Variants in KIAA0825 observed in about 807,000 individuals in gnomAD.
KIAA0825 encodes the protein KIAA0825.
Under a neutral mutation model 147.6 loss-of-function variants are expected in KIAA0825, and 119 were observed. The observed-to-expected ratio is 0.81, with a 90% confidence interval of 0.69 to 0.94. The LOEUF (loss-of-function observed/expected upper bound fraction) is 0.94. KIAA0825 is among the 40% of genes least tolerant of loss of function. The pLI, the probability that KIAA0825 is intolerant of heterozygous loss-of-function variation, is 0.00. For missense variants in KIAA0825, 1,381 were observed against 1,472.7 expected, an observed-to-expected ratio of 0.94 and a Z score of 1.02; for synonymous variants, 470 against 518.1, an observed-to-expected ratio of 0.91 and a Z score of 1.26.
chr5:94,399,606 G>A (rs144869688), intron 16 of KIAA0825, among the ~76,000 whole-genome samples: 188 of 152,166 alleles, frequency 1.2e-3, no homozygotes, highest in African/African-American at 4.4e-3. Context: ...TTTTAAGACT[G>A]CTACACACTC....
At chr5:94,516,738 G>A (rs545483145) in intron 5 of KIAA0825, among the ~76,000 whole-genome samples, 3 of 148,218 alleles carry the variant, frequency 2.0e-5, no homozygotes, top group South Asian at 2.1e-4. Flanking sequence ...TGCAGTGAGC[G>A]GAGATCGCGC....
At chr5:94,166,040 C>T (rs1294729135) in intron 20 of KIAA0825, among the ~76,000 whole-genome samples, 1 of 152,108 alleles carries the variant, frequency 6.6e-6, no homozygotes, top group Non-Finnish European at 1.5e-5. Flanking sequence ...AGGATAAATG[C>T]TTGAGGGAAT....
chr5:94,387,487 A>C (rs1170293612), intron 18 of KIAA0825, among the ~76,000 whole-genome samples: 1 of 152,128 alleles, frequency 6.6e-6, no homozygotes, highest in Non-Finnish European at 1.5e-5. Context: ...TAAGGTTGGG[A>C]GTTCCAGACC....
At chr5:94,281,936 C>T (rs17083520) in intron 20 of KIAA0825, among the ~76,000 whole-genome samples, 3,288 of 152,188 alleles carry the variant, frequency 0.022, 106 homozygotes, top group African/African-American at 0.075. Flanking sequence ...CCAAGTCTGA[C>T]TTAATCAAGT....
intron 5 of KIAA0825, among the ~76,000 whole-genome samples, chr5:94,509,710 T>C (rs1416897815): frequency 6.6e-6 from 1 of 152,200 alleles, no homozygotes; most frequent in Non-Finnish European, 1.5e-5. Context: ...AAGCAAAGAT[T>C]TGTCACATTT....
At chr5:94,441,768 A>C (rs567581535) in intron 13 of KIAA0825, among the ~76,000 whole-genome samples, 1 of 152,326 alleles carries the variant, frequency 6.6e-6, no homozygotes, top group South Asian at 2.1e-4. Context: ...CACCCAATCT[A>C]TGGTATATTT....
chr5:94,179,273 G>A (rs1380183107), intron 20 of KIAA0825, among the ~76,000 whole-genome samples: 1 of 152,002 alleles, frequency 6.6e-6, no homozygotes, highest in Non-Finnish European at 1.5e-5. Context: ...CTTTTTTGTA[G>A]GAAAACAACC....
intron 12 of KIAA0825, among the ~76,000 whole-genome samples, chr5:94,460,383 G>T (rs938764154): frequency 1.3e-5 from 2 of 152,018 alleles, no homozygotes; most frequent in Admixed American, 1.3e-4. Flanking sequence ...TTCCTGAAAA[G>T]ACTTTAAAAT....
In KIAA0825 at chr5:94,166,576, C is replaced by T. The variant is rs907594547; in HGVS notation, c.3711-12452G>A. Among the ~76,000 whole-genome samples, 7 of 137,924 alleles carry T rather than the reference C, an allele frequency of 5.1e-5. No individual in the cohort carries two copies. In the East Asian group the frequency reaches 1.6e-3, roughly 32 times the overall value. The allele number at this position is 137,924 out of a possible 152,430, so 90.5% of individuals were successfully genotyped here. A position where few individuals can be genotyped will look rare whatever the true frequency, so the allele number is the denominator to read the frequency against. On this transcript the variant is annotated intron_variant, in intron 20 of 20. Transcript: ENST00000682413. ...AGTCTGGAGTGCAGTGGCATGATCT[C>T]GGCTCACTGCAAACTCCGCCTCCCG...
intron 12 of KIAA0825, among the ~76,000 whole-genome samples, chr5:94,460,138 G>A (rs1161953445): frequency 5.3e-5 from 8 of 152,110 alleles, no homozygotes; most frequent in Admixed American, 5.2e-4. Context: ...AAACCACTGT[G>A]TGGGGATGTG....
intron 1 of KIAA0825, among the ~76,000 whole-genome samples, chr5:94,606,790 G>C (rs1364162800): frequency 1.3e-5 from 2 of 152,148 alleles, no homozygotes; most frequent in Admixed American, 1.3e-4. Context: ...GGGGCTCGTG[G>C]TTCTGCAGGC....
chr5:94,543,658 A>G (rs1773776179), intron 2 of KIAA0825, among the ~76,000 whole-genome samples: 1 of 152,178 alleles, frequency 6.6e-6, no homozygotes, highest in Non-Finnish European at 1.5e-5. Flanking sequence ...GTTATGGAAG[A>G]TGGATCTTCC....
intron 13 of KIAA0825, among the ~76,000 whole-genome samples, chr5:94,442,923 A>C (rs1416425484): frequency 6.6e-6 from 1 of 152,144 alleles, no homozygotes; most frequent in Non-Finnish European, 1.5e-5. Context: ...AGTTTAAGGC[A>C]AAGGAGTTTC....
At chr5:94,586,801 C>T (rs898556770) in intron 1 of KIAA0825, among the ~76,000 whole-genome samples, 1 of 152,194 alleles carries the variant, frequency 6.6e-6, no homozygotes, top group South Asian at 2.1e-4. Flanking sequence ...CAATAAAAAA[C>T]TGGCAAACTG....
In KIAA0825 at chr5:94,612,847, AAC is replaced by A. The variant is rs1296936141; in HGVS notation, c.-153+5651_-153+5652del. On this transcript the variant is annotated intron_variant, in intron 1 of 20. Transcript: ENST00000682413. ...GTTAGAGCCACAGACCCTAATTTAAAACAGTGAGTTTATTAAAAACAAAACAA... is the reference window on the plus strand; with the variant it reads ...GTTAGAGCCACAGACCCTAATTTAAAAGTGAGTTTATTAAAAACAAAACAA... Among the ~76,000 whole-genome samples the A allele has an allele frequency of 3.3e-5, 5 of 152,298 alleles. No homozygotes were observed. In the South Asian group the frequency reaches 8.3e-4, roughly 25 times the overall value.
chr5:94,579,974 T>C (rs978717870), intron 2 of KIAA0825, among the ~76,000 whole-genome samples: 8 of 152,160 alleles, frequency 5.3e-5, no homozygotes, highest in Non-Finnish European at 8.8e-5. Flanking sequence ...CTTTGAGAAC[T>C]GAGACTTAAA....
intron 2 of KIAA0825, among the ~76,000 whole-genome samples, chr5:94,545,942 T>C (rs754311959): frequency 6.6e-6 from 1 of 152,188 alleles, no homozygotes; most frequent in Non-Finnish European, 1.5e-5. Context: ...GGCTCTTGGA[T>C]GGCATTTCTG....
intron 20 of KIAA0825, among the ~76,000 whole-genome samples, chr5:94,260,652 C>T (rs949710233): frequency 3.3e-5 from 5 of 152,114 alleles, no homozygotes; most frequent in Admixed American, 2.6e-4. Flanking sequence ...TTAATTTGGT[C>T]TCTGCTGCTT....
chr5:94,304,572 A>G (rs986385042), intron 20 of KIAA0825, among the ~76,000 whole-genome samples: 4 of 151,848 alleles, frequency 2.6e-5, no homozygotes, highest in African/African-American at 7.3e-5. Context: ...TTCACAGCCT[A>G]TATCTTTTTT....
Sources: allele counts gnomAD v4.1 joint callset (sites outside exome capture counted in the v4.1 genomes callset), GRCh38; gene constraint gnomAD v4.1.1; transcripts MANE v1.5; gene names NCBI Gene and HGNC (gene_info 2026-07-23, HGNC 2026-07-21).